PATJ: variants seen among roughly 807,000 people sequenced by gnomAD.
PATJ encodes PATJ crumbs cell polarity complex component, also known as inaD-like protein.
A neutral mutation model predicts 224.9 loss-of-function variants in PATJ; 190 were observed. That is an observed-to-expected ratio of 0.84 (90% CI 0.75 to 0.95). The LOEUF (loss-of-function observed/expected upper bound fraction) is 0.95, where lower values mean the gene tolerates loss of function less well. Ranked by LOEUF, PATJ falls within the 40% of genes least tolerant of loss-of-function variation. PATJ has a pLI of 0.00. For missense variants in PATJ, 2,121 were observed against 2,270.3 expected (o/e 0.93, Z 1.34); for synonymous variants, 769 against 820.3 (o/e 0.94, Z 1.07).
chr1:61,751,050 G>C (rs1264101747), intron 1 of PATJ, among the ~76,000 whole-genome samples: 1 of 146,856 alleles, frequency 6.8e-6, no homozygotes, highest in African/African-American at 2.5e-5. Flanking sequence ...TGCCCAGGCT[G>C]GAGTGCAGTG....
chr1:62,025,380 A>T (rs2148437718), intron 29 of PATJ, among the ~76,000 whole-genome samples: 1 of 152,274 alleles, frequency 6.6e-6, no homozygotes, highest in East Asian at 1.9e-4. Context: ...GATTTGTCCC[A>T]GTTTGTCCCT....
At chr1:61,867,516 G>A (rs551075390) in intron 20 of PATJ, among the ~76,000 whole-genome samples, 3 of 149,242 alleles carry the variant, frequency 2.0e-5, no homozygotes, top group African/African-American at 7.4e-5. Flanking sequence ...ACAGTCAAAT[G>A]TATATTTATA....
chr1:62,106,396 G>A (rs538859395), intron 33 of PATJ, among the ~76,000 whole-genome samples: 16 of 150,666 alleles, frequency 1.1e-4, no homozygotes, highest in Admixed American at 6.0e-4. Flanking sequence ...ACCTGAGCCC[G>A]GGAGGTCGAA....
At chr1:61,871,079 GTT>G (rs1274894642) in intron 20 of PATJ, among the ~76,000 whole-genome samples, 9 of 64,926 alleles carry the variant, frequency 1.4e-4, no homozygotes, top group Admixed American at 3.0e-4. Flanking sequence ...TGTTTTTTTT[GTT>G]TTTTTTTTTT....
chr1:61,902,556 G>T (rs1671328310), intron 24 of PATJ, among the ~76,000 whole-genome samples: 1 of 152,060 alleles, frequency 6.6e-6, no homozygotes, highest in Admixed American at 6.5e-5. Flanking sequence ...TTATTGTGAG[G>T]ATTAAATTAA....
At chr1:62,139,579 T>C (rs1667293278) in intron 41 of PATJ, among the ~76,000 whole-genome samples, 1 of 151,910 alleles carries the variant, frequency 6.6e-6, no homozygotes, top group Non-Finnish European at 1.5e-5. Flanking sequence ...ATCTCAGAGT[T>C]GAACTTACAT....
At position 61,757,266 on chromosome 1, in the gene PATJ, C is replaced by T. The variant is rs143405931; in HGVS notation, c.-35-5592C>T. On this transcript the variant is annotated intron_variant, in intron 1 of 43. Transcript: ENST00000642238. Reference sequence around the variant, plus strand: ...TTAAAATTTTTTGTAGAGACTGGGTCTCACTATGTTGTCCAGGCTGGTCTT... The same window carrying T: ...TTAAAATTTTTTGTAGAGACTGGGTTTCACTATGTTGTCCAGGCTGGTCTT... 7.6e-3 allele frequency among the ~76,000 whole-genome samples: 1,156 copies of T among 151,672 alleles called. 18 individuals are homozygous for T. The highest frequency in any genetic ancestry group is 0.026 in the African/African-American group (1,067 of 41,370).
intron 29 of PATJ, among the ~76,000 whole-genome samples, chr1:62,031,239 G>A (rs1412927536): frequency 3.9e-5 from 6 of 152,274 alleles, no homozygotes; most frequent in Admixed American, 6.5e-5. Flanking sequence ...AACAGGAAAC[G>A]TAGCTAATCA....
chr1:61,809,679 G>A (rs1245699978), intron 14 of PATJ, among the ~76,000 whole-genome samples: 1 of 151,886 alleles, frequency 6.6e-6, no homozygotes, highest in Non-Finnish European at 1.5e-5. Context: ...GAGCCACAGC[G>A]CCAGGCTAAA....
chr1:61,925,668 A>T (rs1675086412), intron 26 of PATJ, among the ~76,000 whole-genome samples: 1 of 152,082 alleles, frequency 6.6e-6, no homozygotes, highest in South Asian at 2.1e-4. Context: ...TCTCTGTGGG[A>T]CCTCCAAAAC....
intron 9 of PATJ, among the ~76,000 whole-genome samples, chr1:61,794,404 C>T (rs914368352): frequency 7.2e-5 from 11 of 152,242 alleles, no homozygotes; most frequent in Non-Finnish European, 1.6e-4. Flanking sequence ...CTCAGCCTCC[C>T]AAAGCGCTGG....
intron 25 of PATJ, among the ~76,000 whole-genome samples, chr1:61,914,035 T>C (rs1020529841): frequency 1.3e-5 from 2 of 152,262 alleles, no homozygotes; most frequent in Non-Finnish European, 2.9e-5. Context: ...TATAATATTT[T>C]AGAGTTATGT....
At chr1:61,825,806 G>C (rs1380779508) in intron 15 of PATJ, among the ~76,000 whole-genome samples, 1 of 152,304 alleles carries the variant, frequency 6.6e-6, no homozygotes, top group African/African-American at 2.4e-5. Flanking sequence ...TTTCTAATTT[G>C]TTGAAGTGAA....
intron 29 of PATJ, among the ~76,000 whole-genome samples, chr1:62,030,005 A>G (rs926886962): frequency 5.3e-5 from 8 of 152,178 alleles, no homozygotes; most frequent in African/African-American, 1.9e-4. Flanking sequence ...GAGAGGGAGC[A>G]ATTTGGATGG....
At chr1:62,102,859 C>CAA (rs1162014751) in intron 33 of PATJ, among the ~76,000 whole-genome samples, 21 of 46,988 alleles carry the variant, frequency 4.5e-4, no homozygotes, top group East Asian at 1.7e-3. Flanking sequence ...TACCCTGTCT[C>CAA]AAAAAAAAAA....
At chr1:62,100,665 G>A (rs1178378773) in intron 33 of PATJ, among the ~76,000 whole-genome samples, 2 of 152,188 alleles carry the variant, frequency 1.3e-5, no homozygotes, top group Non-Finnish European at 2.9e-5. Flanking sequence ...CCCTTTCTGA[G>A]TCATTGTAAC....
intron 28 of PATJ, among the ~76,000 whole-genome samples, chr1:62,016,608 T>C (rs1434114854): frequency 6.6e-6 from 1 of 152,202 alleles, no homozygotes; most frequent in Non-Finnish European, 1.5e-5. Context: ...TCATCATAGT[T>C]TATCAGTGGG....
At chr1:61,816,636 T>C (rs1044428078) in intron 14 of PATJ, 1 of 152,166 alleles carries the variant, frequency 6.6e-6, no homozygotes, top group South Asian at 2.1e-4. Flanking sequence ...AGATAATATA[T>C]GGGCAAGACG....
chr1:61,806,249 T>A (rs1653508848), intron 13 of PATJ, among the ~76,000 whole-genome samples: 1 of 152,210 alleles, frequency 6.6e-6, no homozygotes, highest in South Asian at 2.1e-4. Flanking sequence ...ACTGGTTGGC[T>A]GGTTGGAGAT....
Sources: gnomAD v4.1 joint callset for allele counts (sites outside exome capture counted in the v4.1 genomes callset) on GRCh38, gnomAD v4.1.1 for gene constraint, MANE v1.5 for transcripts, NCBI Gene and HGNC (gene_info 2026-07-23, HGNC 2026-07-21) for gene names.